BABAM2: variants seen among roughly 807,000 people sequenced by gnomAD.
BABAM2 encodes the protein BRISC and BRCA1 A complex member 2, also known as BRISC and BRCA1-A complex member 2.
In BABAM2, 31 loss-of-function variants were observed where a neutral mutation model predicts 54.7. The ratio of observed to expected loss-of-function variants is 0.57; its 90% confidence interval spans 0.43 to 0.77. The LOEUF (loss-of-function observed/expected upper bound fraction) is 0.77. BABAM2 is among the 30% of genes least tolerant of loss of function. BABAM2 has a pLI of 0.00. For missense variants in BABAM2, 364 were observed against 455.8 expected, an observed-to-expected ratio of 0.80 and a Z score of 1.83; for synonymous variants, 167 against 162.9, an observed-to-expected ratio of 1.03 and a Z score of -0.19.
chr2:28,160,743 T>TG (rs1673003431), intron 7 of BABAM2, among the ~76,000 whole-genome samples: 1 of 151,520 alleles, frequency 6.6e-6, no homozygotes. Context: ...TTGTTTTTTT[T>TG]TTTTTTTTTT....
At chr2:27,928,200 G>A (rs1378278467) in intron 2 of BABAM2, among the ~76,000 whole-genome samples, 1 of 152,088 alleles carries the variant, frequency 6.6e-6, no homozygotes, top group Non-Finnish European at 1.5e-5. Flanking sequence ...ATTTTTAGTG[G>A]AGACAGGGTT....
rs564257746 is a variant in BABAM2, at chr2:28,255,908, C to T, written c.934+11046C>T. On this transcript the variant is annotated intron_variant, in intron 10 of 11. Transcript: ENST00000379624. Reference sequence around the variant, plus strand: ...CTTAAATTTCTGAGCTGAAGTGATCCGCCCACCATAGCCTCCCAAAGTGCT... The same window carrying T: ...CTTAAATTTCTGAGCTGAAGTGATCTGCCCACCATAGCCTCCCAAAGTGCT... 9.2e-5 allele frequency among the ~76,000 whole-genome samples: 14 copies of T among 152,202 alleles called. No homozygotes were observed. In the East Asian group the frequency reaches 1.5e-3, roughly 17 times the overall value.
chr2:27,895,703 A>G (rs969914318), intron 2 of BABAM2, among the ~76,000 whole-genome samples: 7 of 152,154 alleles, frequency 4.6e-5, no homozygotes, highest in African/African-American at 1.7e-4. Context: ...TTTGTCCATT[A>G]ATTTCAGCAT....
chr2:28,229,411 A>G (rs6729006), intron 7 of BABAM2, among the ~76,000 whole-genome samples: 3,376 of 152,322 alleles, frequency 0.022, 105 homozygotes, highest in African/African-American at 0.077. Flanking sequence ...CACTTAATAC[A>G]GGACATGATG....
At chr2:28,315,569 G>C (rs2148293372) in intron 11 of BABAM2, among the ~76,000 whole-genome samples, 1 of 151,522 alleles carries the variant, frequency 6.6e-6, no homozygotes, top group African/African-American at 2.4e-5. Context: ...CTGGGCTCAA[G>C]CAATCCTCCC....
intron 6 of BABAM2, among the ~76,000 whole-genome samples, chr2:28,127,425 C>G (rs968314060): frequency 2.6e-5 from 4 of 151,964 alleles, no homozygotes; most frequent in Non-Finnish European, 5.9e-5. Flanking sequence ...AGTAGGCTAT[C>G]GTTGTGGGCT....
chr2:28,205,628 A>G (rs550804552), intron 7 of BABAM2, among the ~76,000 whole-genome samples: 1 of 152,340 alleles, frequency 6.6e-6, no homozygotes, highest in African/African-American at 2.4e-5. Context: ...AGAGCCCACC[A>G]TTTGAGCTTC....
At chr2:27,932,217 T>A (rs1170494812) in intron 3 of BABAM2, among the ~76,000 whole-genome samples, 1 of 151,398 alleles carries the variant, frequency 6.6e-6, no homozygotes, top group Non-Finnish European at 1.5e-5. Flanking sequence ...CATCCGATAA[T>A]TTTTTATTAC....
intron 5 of BABAM2, among the ~76,000 whole-genome samples, chr2:28,044,858 T>A (rs930351372): frequency 6.6e-6 from 1 of 152,140 alleles, no homozygotes; most frequent in African/African-American, 2.4e-5. Flanking sequence ...GCTGCACACT[T>A]GCAGTGAGAC....
At chr2:28,114,733 G>A (rs1668460455) in intron 6 of BABAM2, among the ~76,000 whole-genome samples, 1 of 152,164 alleles carries the variant, frequency 6.6e-6, no homozygotes. Context: ...GATTGCTCTT[G>A]TTTTTCTGCA....
intron 6 of BABAM2, among the ~76,000 whole-genome samples, chr2:28,078,624 A>T (rs1399263211): frequency 1.3e-5 from 2 of 152,084 alleles, no homozygotes; most frequent in African/African-American, 4.8e-5. Context: ...AGGAAGGACT[A>T]TTGTATTTAG....
At chr2:27,956,117 T>C (rs548070393) in intron 3 of BABAM2, among the ~76,000 whole-genome samples, 45 of 152,288 alleles carry the variant, frequency 3.0e-4, no homozygotes, top group African/African-American at 1.1e-3. Flanking sequence ...GGCACAGATC[T>C]TTTATACTTC....
At chr2:27,893,681 C>T (rs1178886643) in intron 1 of BABAM2, among the ~76,000 whole-genome samples, 3 of 152,078 alleles carry the variant, frequency 2.0e-5, no homozygotes, top group Non-Finnish European at 2.9e-5. Context: ...ACACTGTGGA[C>T]GGAAAGGTAT....
intron 7 of BABAM2, among the ~76,000 whole-genome samples, chr2:28,175,571 A>G (rs1465482372): frequency 1.3e-5 from 2 of 152,298 alleles, no homozygotes; most frequent in East Asian, 3.9e-4. Context: ...TGCATGTTCT[A>G]CCTGGAGTCC....
At chr2:28,120,083 T>G (rs149166971) in intron 6 of BABAM2, among the ~76,000 whole-genome samples, 78 of 152,340 alleles carry the variant, frequency 5.1e-4, no homozygotes, top group Admixed American at 1.5e-3. Context: ...GTGAATACAT[T>G]TAATTTGGCA....
chr2:28,247,137 A>G (rs888871609), intron 10 of BABAM2, among the ~76,000 whole-genome samples: 2 of 152,108 alleles, frequency 1.3e-5, no homozygotes, highest in African/African-American at 4.8e-5. Flanking sequence ...GAGTTGTTTA[A>G]TTGACTTTTT....
At chr2:27,894,716 CA>C in intron 2 of BABAM2, 32 bp downstream of exon 2, 1 of 1,612,346 alleles carries the variant, frequency 6.2e-7, no homozygotes, top group Non-Finnish European at 8.5e-7. Flanking sequence ...GTCAATGTAC[CA>C]GAACCAATTC....
At chr2:28,182,393 G>T (rs1364427066) in intron 7 of BABAM2, among the ~76,000 whole-genome samples, 1 of 152,178 alleles carries the variant, frequency 6.6e-6, no homozygotes, top group Non-Finnish European at 1.5e-5. Context: ...CTCTCCTGGG[G>T]ATCTCACGGT....
chr2:28,062,894 C>CA (rs1245390475), intron 6 of BABAM2, among the ~76,000 whole-genome samples: 4 of 152,334 alleles, frequency 2.6e-5, no homozygotes, highest in Non-Finnish European at 5.9e-5. Context: ...CATTTAGAGA[C>CA]AGACATTGGT....
Sources: allele counts gnomAD v4.1 joint callset (sites outside exome capture counted in the v4.1 genomes callset), GRCh38; gene constraint gnomAD v4.1.1; transcripts MANE v1.5; gene names NCBI Gene and HGNC (gene_info 2026-07-23, HGNC 2026-07-21).